The following MYO1H variants were observed in gnomAD, a reference collection of about 807,000 sequenced individuals.
The protein encoded by MYO1H is unconventional myosin-Ih.
Under a neutral mutation model 149.3 loss-of-function variants are expected in MYO1H, and 118 were observed. The observed-to-expected ratio is 0.79, with a 90% CI of 0.68 to 0.92. The LOEUF is 0.92. Ranked by LOEUF, MYO1H falls within the 40% of genes least tolerant of loss-of-function variation. MYO1H has a pLI of 0.00. For synonymous variants in MYO1H, 447 were observed against 465.2 expected (o/e 0.96, Z 0.50); for missense variants, 1,212 against 1,280.7 (o/e 0.95, Z 0.82).
Position 109,397,712 on chromosome 12 carries a change from A to G in MYO1H, c.490-20A>G, listed in dbSNP as rs1177391174. The G allele has an allele frequency of 1.2e-6, 2 of 1,601,488 alleles. No individual in the cohort carries two copies. Among genetic ancestry groups the G allele is most frequent in the South Asian group, 1.1e-5 (1 of 88,988 alleles). On this transcript the variant is annotated intron_variant, in intron 4 of 31. Coordinates refer to ENST00000310903, the Ensembl canonical transcript of MYO1H. ...GCATGGTGAGCTTAAATGACAGTGA[A>G]TGACACTTTGTATTCCAAGGCTTTT... is the stretch of plus-strand genomic sequence containing the variant.
At chr12:109,418,131 T>A (rs1871011886) in intron 15 of MYO1H, among the ~76,000 whole-genome samples, 1 of 151,936 alleles carries the variant, frequency 6.6e-6, no homozygotes, top group East Asian at 1.9e-4. Context: ...TTGGGTTGTT[T>A]TTCATTATTG....
intron 14 of MYO1H, among the ~76,000 whole-genome samples, chr12:109,413,122 C>T (rs529333058): frequency 6.6e-6 from 1 of 151,762 alleles, no homozygotes; most frequent in South Asian, 2.1e-4. Context: ...TACAGGTGTG[C>T]GCCATCACGC....
chr12:109,342,302 G>A, the MYO1H span, among the ~76,000 whole-genome samples: 2 of 151,408 alleles, frequency 1.3e-5, no homozygotes, highest in Admixed American at 1.3e-4. Flanking sequence ...GCGCCACCAC[G>A]CTCAGCTAAT....
At chr12:109,347,526 C>T (rs1001113847), upstream of MYO1H, among the ~76,000 whole-genome samples, 6 of 152,130 alleles carry the variant, frequency 3.9e-5, no homozygotes, top group African/African-American at 1.4e-4. Flanking sequence ...ACAGGTACTT[C>T]CAGCAGGAGT....
the MYO1H span, among the ~76,000 whole-genome samples, chr12:109,339,836 G>A: frequency 2.0e-4 from 30 of 152,304 alleles, no homozygotes; most frequent in East Asian, 5.2e-3. Flanking sequence ...CCAGAGTATA[G>A]AAGACAAGTA....
intron 1 of MYO1H, among the ~76,000 whole-genome samples, chr12:109,360,925 C>T (rs1421670905): frequency 3.9e-5 from 6 of 152,162 alleles, no homozygotes; most frequent in African/African-American, 1.4e-4. Flanking sequence ...TCCTTCCCAA[C>T]CTATGAACAC....
intron 19 of MYO1H, 69 bp downstream of exon 19, chr12:109,427,655 G>A (rs1417422673): frequency 8.7e-7 from 1 of 1,144,196 alleles, no homozygotes; most frequent in East Asian, 2.4e-5. Context: ...CTGGGGTTTA[G>A]TGGTAAATAA....
chr12:109,337,561 G>A, the MYO1H span, among the ~76,000 whole-genome samples: 2 of 152,256 alleles, frequency 1.3e-5, no homozygotes, highest in African/African-American at 2.4e-5. Context: ...CATGTGCAGG[G>A]GAACTCCGCT....
chr12:109,323,350 T>C, the MYO1H span, among the ~76,000 whole-genome samples: 1 of 152,242 alleles, frequency 6.6e-6, no homozygotes, highest in African/African-American at 2.4e-5. Context: ...GTTTGTCCGA[T>C]GTTGAAATGA....
At position 109,397,733 on chromosome 12, in the gene MYO1H, CT is replaced by C. The variant is rs1462344018; in HGVS notation, c.495del (p.Phe165LeufsTer30). On this transcript the variant is annotated frameshift_variant and splice_region_variant, in exon 5 of 32. Transcript: ENST00000310903. LOFTEE classifies it high-confidence loss of function. The stretch of plus-strand genomic sequence containing the variant: ...GTGAATGACACTTTGTATTCCAAGG[CT>C]TTTGGAAATGCCAGAACGCTCCGGA... The C allele has an allele frequency of 6.2e-7, 1 of 1,609,400 alleles. No homozygotes were observed. The highest frequency in any genetic ancestry group is 8.5e-7 in the Non-Finnish European group (1 of 1,177,852).
intron 1 of MYO1H, chr12:109,354,220 T>C (rs1868530448): frequency 6.6e-6 from 1 of 152,230 alleles, no homozygotes; most frequent in East Asian, 1.9e-4. Flanking sequence ...CTTTATTTCT[T>C]GCATATTTGT....
exon 4 of MYO1H, chr12:109,396,560 T>G (rs1869916513): frequency 6.2e-7 from 1 of 1,613,110 alleles, no homozygotes; most frequent in Admixed American, 1.7e-5. Context: ...GACAGACTGC[T>G]GTTCTCCAAC....
chr12:109,433,453 G>A (rs1871725312), intron 20 of MYO1H, among the ~76,000 whole-genome samples: 1 of 152,222 alleles, frequency 6.6e-6, no homozygotes, highest in African/African-American at 2.4e-5. Context: ...CATGAGCAGA[G>A]ACTTTCGTAC....
At chr12:109,389,288 A>G (rs1026605895) in intron 2 of MYO1H, among the ~76,000 whole-genome samples, 1 of 152,144 alleles carries the variant, frequency 6.6e-6, no homozygotes, top group Non-Finnish European at 1.5e-5. Context: ...TAAATGGCCC[A>G]AGTTGACATT....
intron 31 of MYO1H, 127 bp downstream of exon 31, chr12:109,445,739 T>G: frequency 7.3e-7 from 1 of 1,378,546 alleles, no homozygotes; most frequent in Non-Finnish European, 9.3e-7. Flanking sequence ...CTGCCCTCTA[T>G]TCCTAATTCT....
At chr12:109,318,937 C>T in the MYO1H span, among the ~76,000 whole-genome samples, 7,461 of 125,250 alleles carry the variant, frequency 0.06, 250 homozygotes, top group Middle Eastern at 0.11. Context: ...AAATCAGGTG[C>T]GAGGCATTTG....
the MYO1H span, among the ~76,000 whole-genome samples, chr12:109,318,967 G>GTTTTTTTTTTTTTTTTTTTTTTTTTTT: frequency 2.8e-4 from 22 of 79,596 alleles, 3 homozygotes; most frequent in African/African-American, 3.6e-4. Flanking sequence ...TGCGTTTTTG[G>GTTTTTTTTTTTTTTTTTTTTTTTTTTT]TTTTGTTTTT....
intron 1 of MYO1H, among the ~76,000 whole-genome samples, chr12:109,360,440 T>TTCTCTG (rs769218034): frequency 2.4e-4 from 36 of 152,312 alleles, no homozygotes; most frequent in Admixed American, 5.2e-4. Flanking sequence ...CCCATCTCTC[T>TTCTCTG]TCTCTGTCTC....
intron 27 of MYO1H, 116 bp from the exon 28 acceptor site, chr12:109,443,398 A>G: frequency 9.2e-7 from 1 of 1,088,714 alleles, no homozygotes; most frequent in Non-Finnish European, 1.3e-6. Context: ...ACACACATAC[A>G]CGCAAAATCT....
Sources: gnomAD v4.1 joint callset for allele counts (sites outside exome capture counted in the v4.1 genomes callset) on GRCh38, gnomAD v4.1.1 for gene constraint, MANE v1.5 for transcripts, NCBI Gene and HGNC (gene_info 2026-07-23, HGNC 2026-07-21) for gene names.